The following SYT9 variants were observed in gnomAD, a reference collection of about 807,000 sequenced individuals.
SYT9 encodes synaptotagmin-9.
In SYT9, 22 loss-of-function variants were observed where a neutral mutation model predicts 48.4. The ratio of observed to expected loss-of-function variants is 0.45; its 90% CI spans 0.32 to 0.65. The LOEUF (loss-of-function observed/expected upper bound fraction) is 0.65, where lower values mean the gene tolerates loss of function less well. SYT9 is among the 30% of genes least tolerant of loss of function. The pLI, the probability that SYT9 is intolerant of heterozygous loss-of-function variation, is 0.03. For missense variants in SYT9, 577 were observed against 622.0 expected, an observed-to-expected ratio of 0.93 and a Z score of 0.77; for synonymous variants, 265 against 245.0, an observed-to-expected ratio of 1.08 and a Z score of -0.76.
intron 1 of SYT9, among the ~76,000 whole-genome samples, chr11:7,296,739 C>T (rs1848814962): frequency 6.6e-6 from 1 of 152,010 alleles, no homozygotes; most frequent in Non-Finnish European, 1.5e-5. Flanking sequence ...TTTGTATTTA[C>T]GTGAAAGGGA....
chr11:7,314,677 T>C (rs1013052760), intron 3 of SYT9, among the ~76,000 whole-genome samples: 4 of 152,214 alleles, frequency 2.6e-5, no homozygotes, highest in African/African-American at 9.6e-5. Context: ...CAGAGGTGTG[T>C]TGGCATTCCA....
intron 6 of SYT9, among the ~76,000 whole-genome samples, chr11:7,456,537 A>G (rs1346959925): frequency 6.6e-6 from 1 of 152,138 alleles, no homozygotes; most frequent in African/African-American, 2.4e-5. Flanking sequence ...CACCCTCCAT[A>G]AGTGGTAATG....
At chr11:7,287,519 AGACAACATTAAGTAATAATTG>A (rs1268877338) in intron 1 of SYT9, among the ~76,000 whole-genome samples, 4 of 152,256 alleles carry the variant, frequency 2.6e-5, no homozygotes, top group Non-Finnish European at 5.9e-5. Flanking sequence ...CTTCTTCTCA[AGACAACATTAAGTAATAATTG>A]GATATTATCA....
At chr11:7,244,587 T>C (rs972658313) in intron 1 of SYT9, among the ~76,000 whole-genome samples, 3 of 152,272 alleles carry the variant, frequency 2.0e-5, no homozygotes, top group African/African-American at 7.2e-5. Context: ...TTTTGGATAA[T>C]TAGGAAGTTT....
chr11:7,342,535 A>C (rs576332974), intron 3 of SYT9, among the ~76,000 whole-genome samples: 27 of 152,346 alleles, frequency 1.8e-4, no homozygotes, highest in African/African-American at 6.0e-4. Flanking sequence ...CTAATGCAAG[A>C]GGTAGGTTCC....
chr11:7,251,646 G>C (rs755586853), upstream of SYT9, among the ~76,000 whole-genome samples: 1 of 152,022 alleles, frequency 6.6e-6, no homozygotes, highest in African/African-American at 2.4e-5. Context: ...CGGTGGGAGC[G>C]GGTGCTTGGT....
At position 7,291,692 on chromosome 11, in the gene SYT9, A is replaced by G. The variant is rs553878981; in HGVS notation, c.146-11347A>G. On this transcript the variant is annotated intron_variant, in intron 1 of 6. Transcript: ENST00000318881. ...CTTGCTCAACTGCTGTGCTCTGGGG[A>G]AAAAAAAAAAAATCTCCTCGTGTAA... is the stretch of plus-strand genomic sequence containing the variant. 1.4e-3 allele frequency among the ~76,000 whole-genome samples: 109 copies of G among 77,398 alleles called. 1 individual carries two copies. The highest frequency in any genetic ancestry group is 3.1e-3 in the Non-Finnish European group (92 of 29,630). 50.8% of individuals were successfully genotyped at this position (77,398 alleles called of 152,430 possible). A position where few individuals can be genotyped will look rare whatever the true frequency, so the allele number is the denominator to read the frequency against.
At chr11:7,257,720 C>G (rs886403997) in intron 1 of SYT9, among the ~76,000 whole-genome samples, 5 of 152,082 alleles carry the variant, frequency 3.3e-5, no homozygotes, top group Admixed American at 6.6e-5. Context: ...AAAGAGTCTT[C>G]TAAGGAATGA....
chr11:7,401,777 T>C (rs1480233732), intron 3 of SYT9, among the ~76,000 whole-genome samples: 1 of 151,854 alleles, frequency 6.6e-6, no homozygotes. Flanking sequence ...CATTTTCTTT[T>C]CTGATCCAGT....
intron 3 of SYT9, among the ~76,000 whole-genome samples, chr11:7,397,152 C>G (rs1291084953): frequency 6.6e-6 from 1 of 152,058 alleles, no homozygotes; most frequent in Non-Finnish European, 1.5e-5. Context: ...GATCTATTGT[C>G]CATTTCCATT....
At chr11:7,392,798 C>T (rs1846656372) in intron 3 of SYT9, among the ~76,000 whole-genome samples, 1 of 151,982 alleles carries the variant, frequency 6.6e-6, no homozygotes, top group African/African-American at 2.4e-5. Flanking sequence ...TGTAGTTCTT[C>T]TTGCAGAGAT....
intron 6 of SYT9, among the ~76,000 whole-genome samples, chr11:7,423,313 G>C (rs943611450): frequency 3.3e-5 from 5 of 152,222 alleles, no homozygotes; most frequent in African/African-American, 9.7e-5. Context: ...AATGGTACCA[G>C]ATGAGATGAA....
chr11:7,358,924 T>C (rs1443124105), intron 3 of SYT9, among the ~76,000 whole-genome samples: 1 of 152,196 alleles, frequency 6.6e-6, no homozygotes. Flanking sequence ...TATGTATACA[T>C]GTGCTATGCT....
chr11:7,340,942 G>C (rs543986607), intron 3 of SYT9, among the ~76,000 whole-genome samples: 14 of 152,322 alleles, frequency 9.2e-5, no homozygotes, highest in South Asian at 4.1e-4. Context: ...GTCTGCTCCA[G>C]TTCCTACTCA....
chr11:7,323,970 C>G (rs1180756295), intron 3 of SYT9, among the ~76,000 whole-genome samples: 2 of 151,754 alleles, frequency 1.3e-5, no homozygotes, highest in Non-Finnish European at 2.9e-5. Flanking sequence ...ATCTCTTTTC[C>G]TAGTCTCTTA....
chr11:7,293,686 G>T (rs904484616), intron 1 of SYT9, among the ~76,000 whole-genome samples: 6 of 152,184 alleles, frequency 3.9e-5, no homozygotes, highest in Non-Finnish European at 8.8e-5. Flanking sequence ...GATAGAGGAA[G>T]ATCACTGAGG....
chr11:7,326,724 T>C (rs1401314589), intron 3 of SYT9, among the ~76,000 whole-genome samples: 4 of 123,470 alleles, frequency 3.2e-5, no homozygotes, highest in East Asian at 2.4e-4. Flanking sequence ...AAAACAGAGA[T>C]ATAGATCAAT....
Position 7,263,611 on chromosome 11 carries a change from A to G in SYT9, c.145+11280A>G, listed in dbSNP as rs930111417. Among the ~76,000 whole-genome samples the G allele has an allele frequency of 2.6e-5, 4 of 152,306 alleles. 1 individual carries two copies. In the South Asian group the frequency reaches 6.2e-4, roughly 24 times the overall value. On this transcript the variant is annotated intron_variant, in intron 1 of 6. Transcript: ENST00000318881. ...AGTAACGTGGAGAAAAATCAAGAAC[A>G]TGATGGCTTGGAAATTAAGAAAGTA...
At chr11:7,419,312 A>G (rs1307113063) in intron 5 of SYT9, among the ~76,000 whole-genome samples, 2 of 152,236 alleles carry the variant, frequency 1.3e-5, no homozygotes, top group Non-Finnish European at 2.9e-5. Context: ...GGAAAAATTC[A>G]TGGCAGAATT....
Sources: gnomAD v4.1 joint callset for allele counts (sites outside exome capture counted in the v4.1 genomes callset) on GRCh38, gnomAD v4.1.1 for gene constraint, MANE v1.5 for transcripts, NCBI Gene and HGNC (gene_info 2026-07-23, HGNC 2026-07-21) for gene names.